The following YJEFN3 variants were observed in gnomAD, a reference collection of about 807,000 sequenced individuals.
The protein encoded by YJEFN3 is yjeF N-terminal domain-containing protein 3.
In YJEFN3, 29 loss-of-function variants were observed where a neutral mutation model predicts 31.5. The ratio of observed to expected loss-of-function variants is 0.92; its 90% CI spans 0.69 to 1.26. YJEFN3 has a LOEUF of 1.26. YJEFN3 is among the 50% of genes most tolerant of loss of function. YJEFN3 has a pLI of 0.00. For missense variants in YJEFN3, 442 were observed against 425.4 expected (o/e 1.04, Z -0.34); for synonymous variants, 227 against 196.1 (o/e 1.16, Z -1.32).
chr19:19,532,291 T>C (rs966508539), intron 2 of YJEFN3, among the ~76,000 whole-genome samples: 4 of 152,238 alleles, frequency 2.6e-5, no homozygotes, highest in Admixed American at 1.3e-4. Flanking sequence ...CCTTTCTTGG[T>C]TCCCTCCGCC....
At position 19,535,608 on chromosome 19, in the gene YJEFN3, GC is replaced by G; in HGVS notation, c.627del (p.Cys210AlafsTer16). 1.3e-6 allele frequency: 2 copies of G among 1,585,970 alleles called. No individual in the cohort carries two copies. Among genetic ancestry groups the G allele is most frequent in the African/African-American group, 1.3e-5 (1 of 74,118 alleles). On this transcript the variant is annotated frameshift_variant, in exon 6 of 7. Transcript: ENST00000514277. LOFTEE classifies it high-confidence loss of function. ...GPGVEPGEVG[G>X]PCTRALATLK... ...GGCGTGGAGCCGGGCGAGGTCGGGG[GC>G]CCCTGCACCCGCGCGCTGGCCACGC...
chr19:19,532,591 C>G (rs1279186908), intron 2 of YJEFN3, 41 bp from the exon 3 acceptor site: 2 of 1,374,822 alleles, frequency 1.5e-6, no homozygotes, highest in African/African-American at 1.4e-5. Flanking sequence ...GAGGCTCTGT[C>G]TCTGTGTGTC....
In YJEFN3 at chr19:19,537,518, A is replaced by C. The variant is rs950306284; in HGVS notation, c.894A>C (p.Ala298=). ...PGYTGTDCVA[A]L The stretch of plus-strand genomic sequence containing the variant: ...ACACGGGCACCGACTGCGTCGCGGC[A>C]CTGTGACCGCCACCCGCGGCCACAC... The change falls in exon 7 of 7, where the codon GCA becomes GCC. Residue 298 remains alanine, a synonymous_variant. Coordinates refer to ENST00000514277, the MANE Select transcript of YJEFN3 (RefSeq NM_198537.4). 3.5e-5 allele frequency: 54 copies of C among 1,557,824 alleles called. No individual in the cohort carries two copies. Among genetic ancestry groups the C allele is most frequent in the Non-Finnish European group, 4.5e-5 (52 of 1,153,834 alleles).
At position 19,534,321 on chromosome 19, in the gene YJEFN3, TACAGACAGACAC is replaced by T. The variant is rs2061185953; in HGVS notation, c.319-711_319-700del. The T allele has an allele frequency of 6.3e-6, 2 of 317,722 alleles. No homozygotes were observed. Among genetic ancestry groups the T allele is most frequent in the Non-Finnish European group, 8.9e-6 (2 of 224,258 alleles). The allele number at this position is 317,722 out of a possible 1,614,324, so 19.7% of individuals were successfully genotyped here. On this transcript the variant is annotated intron_variant, in intron 3 of 6. Transcript: ENST00000514277. This position sits in a 1 kb window ranked among gnomAD's most constrained non-coding sequence, Gnocchi z 4.6. ...GACAGAGACACTAGAGTCTGAGAGATACAGACAGACACAGAGACAGCCAGAGACAGATGGAGA... is the reference window on the plus strand; with the variant it reads ...GACAGAGACACTAGAGTCTGAGAGATAGAGACAGCCAGAGACAGATGGAGA...
At position 19,533,002 on chromosome 19, in the gene YJEFN3, C is replaced by G. The variant is rs1187324111; in HGVS notation, c.318+262C>G. On this transcript the variant is annotated intron_variant, in intron 3 of 6. Transcript: ENST00000514277. ...CCACGACCCTGGAAGTGCAACCCCT[C>G]CTGCACATGTGACCCGCCTGCTTCT... 9.6e-6 allele frequency: 12 copies of G among 1,254,134 alleles called. 1 individual carries two copies. In the African/African-American group the frequency reaches 1.9e-4, roughly 19 times the overall value. The allele number at this position is 1,254,134 out of a possible 1,614,324, so 77.7% of individuals were successfully genotyped here.
At chr19:19,536,059 C>T in intron 6 of YJEFN3, 2 of 516,754 alleles carry the variant, frequency 3.9e-6, no homozygotes, top group Non-Finnish European at 6.8e-6. Flanking sequence ...GCCGGACCCT[C>T]CGTGGGGGTG....
intron 2 of YJEFN3, among the ~76,000 whole-genome samples, chr19:19,530,919 C>G (rs1744349889): frequency 6.6e-6 from 1 of 152,214 alleles, no homozygotes. Flanking sequence ...GTTCCTCAGT[C>G]TGGGATTTGA....
Position 19,537,435 on chromosome 19 carries a change from G to T in YJEFN3, c.811G>T (p.Ala271Ser), listed in dbSNP as rs1192080993. The change falls in exon 7 of 7, where the codon GCC (alanine) becomes TCC (serine). Residue 271 changes from alanine to serine, a missense_variant. Transcript: ENST00000514277. ...GRFSGRHHFVAGRFVPDDVRR... is the reference protein window; with the variant it reads ...GRFSGRHHFVSGRFVPDDVRR... The stretch of plus-strand genomic sequence containing the variant: ...CTTCTCCGGGCGCCACCACTTCGTG[G>T]CCGGCAGGTTCGTGCCCGATGACGT... 1 of 1,588,766 alleles carries T rather than the reference G, an allele frequency of 6.3e-7. No homozygotes were observed. Among genetic ancestry groups the T allele is most frequent in the Admixed American group, 1.7e-5 (1 of 58,618 alleles).
At chr19:19,530,860 C>A (rs916156463) in intron 2 of YJEFN3, among the ~76,000 whole-genome samples, 1 of 152,206 alleles carries the variant, frequency 6.6e-6, no homozygotes, top group African/African-American at 2.4e-5. Flanking sequence ...TGCCCTGAGT[C>A]TCTGTCTCCG....
intron 6 of YJEFN3, among the ~76,000 whole-genome samples, chr19:19,536,701 A>G (rs934652299): frequency 4.0e-5 from 6 of 150,778 alleles, no homozygotes; most frequent in Non-Finnish European, 7.4e-5. Flanking sequence ...GCTGGGCGCA[A>G]TGGCTCACAC....
intron 3 of YJEFN3, chr19:19,533,312 A>T (rs899056836): frequency 1.0e-6 from 1 of 985,662 alleles, no homozygotes; most frequent in African/African-American, 1.7e-5. Flanking sequence ...TTCCTCTGCA[A>T]CAGCATAATA....
intron 6 of YJEFN3, 150 bp from the exon 7 acceptor site, chr19:19,537,169 G>A: frequency 1.5e-6 from 1 of 688,930 alleles, no homozygotes; most frequent in South Asian, 1.9e-5. Context: ...GATGGGGGAG[G>A]GGAAGTGGGG....
Position 19,535,735 on chromosome 19 carries a change from T to C in YJEFN3, c.694+56T>C, listed in dbSNP as rs968769153. The C allele has an allele frequency of 3.3e-6, 5 of 1,530,232 alleles. No homozygotes were observed. The African/African-American group carries it at 5.5e-5, about 17-fold the overall frequency. The allele number at this position is 1,530,232 out of a possible 1,614,324, so 94.8% of individuals were successfully genotyped here. ...CCTGGGGGGCTTGGGTGGAGGCCCC[T>C]GTGCCCCAGCTCCTGGTCGCCCCTG... On this transcript the variant is annotated intron_variant, in intron 6 of 6. Transcript: ENST00000514277.
chr19:19,533,942 G>T, intron 3 of YJEFN3: 1 of 985,598 alleles, frequency 1.0e-6, no homozygotes, highest in Non-Finnish European at 1.2e-6. Flanking sequence ...GTTCATGGCA[G>T]GTCAGGACTG....
At chr19:19,537,220 G>T (rs1375138223) in intron 6 of YJEFN3, 99 bp from the exon 7 acceptor site, 3 of 1,150,332 alleles carry the variant, frequency 2.6e-6, no homozygotes, top group Non-Finnish European at 3.6e-6. Context: ...GAGGCTCAGT[G>T]TTGGAGGGGA....
Position 19,537,499 on chromosome 19 carries a change from GCACCGACTGCGTCGCGGCACTGTGACCGC to G in YJEFN3, c.880_*8del, listed in dbSNP as rs1568367589. The stretch of plus-strand genomic sequence containing the variant: ...GCTCTGCGCCTGCCGGGATACACGG[GCACCGACTGCGTCGCGGCACTGTGACCGC>G]CACCCGCGGCCACACCGCAGGGACC... On this transcript the variant is annotated stop_lost and 3_prime_UTR_variant, in exon 7 of 7. Coordinates refer to ENST00000514277, the MANE Select transcript of YJEFN3 (RefSeq NM_198537.4). The G allele has an allele frequency of 6.4e-7, 1 of 1,568,964 alleles. No homozygotes were observed. The highest frequency in any genetic ancestry group is 1.7e-5 in the Admixed American group (1 of 58,204).
chr19:19,529,311 G>A (rs985814009), intron 1 of YJEFN3, 53 bp from the exon 2 acceptor site: 4 of 1,560,116 alleles, frequency 2.6e-6, no homozygotes, highest in Admixed American at 1.9e-5. Flanking sequence ...AGCGCTGGTC[G>A]CTCCCCCACC....
intron 2 of YJEFN3, among the ~76,000 whole-genome samples, 171 bp from the exon 3 acceptor site, chr19:19,532,461 G>A (rs1054686423): frequency 5.3e-5 from 8 of 152,218 alleles, no homozygotes; most frequent in African/African-American, 7.2e-5. Context: ...CCCGCGCGTC[G>A]CACGGTGAAA....
intron 4 of YJEFN3, 52 bp from the exon 5 acceptor site, chr19:19,535,285 G>C: frequency 3.2e-6 from 5 of 1,573,278 alleles, no homozygotes; most frequent in Non-Finnish European, 3.5e-6. Context: ...GGCAGGGTCT[G>C]GTGCTGGTGA....
Sources: allele counts gnomAD v4.1 joint callset (sites outside exome capture counted in the v4.1 genomes callset), GRCh38; gene constraint gnomAD v4.1.1; non-coding constraint Gnocchi (gnomAD v3.1); transcripts MANE v1.5; gene names NCBI Gene and HGNC (gene_info 2026-07-23, HGNC 2026-07-21).